Variants in TCF7L1 observed in about 807,000 individuals in gnomAD.
TCF7L1 encodes the protein transcription factor 7 like 1.
TCF7L1 carries 18 observed loss-of-function variants against 63.7 expected under a neutral mutation model. The observed-to-expected ratio is 0.28, with a 90% confidence interval of 0.20 to 0.42. The LOEUF is 0.42. Ranked by LOEUF, TCF7L1 falls within the 10% of genes least tolerant of loss-of-function variation. TCF7L1 has a pLI of 1.00. For missense variants in TCF7L1, 654 were observed against 779.3 expected, an observed-to-expected ratio of 0.84 and a Z score of 1.91; for synonymous variants, 355 against 340.9, an observed-to-expected ratio of 1.04 and a Z score of -0.46.
At chr2:85,305,149 C>A in intron 7 of TCF7L1, 111 bp from the exon 8 acceptor site, 1 of 1,435,468 alleles carries the variant, frequency 7.0e-7, no homozygotes, top group Non-Finnish European at 9.8e-7. Context: ...TGAGACTCTG[C>A]CCCACGGACA....
intron 3 of TCF7L1, among the ~76,000 whole-genome samples, chr2:85,140,814 TC>T (rs1194979167): frequency 6.6e-6 from 1 of 151,814 alleles, no homozygotes; most frequent in Non-Finnish European, 1.5e-5. Flanking sequence ...TGAGCTGAGA[TC>T]GCACCATTGC....
At chr2:85,224,723 A>G (rs1679920224) in intron 3 of TCF7L1, among the ~76,000 whole-genome samples, 1 of 152,124 alleles carries the variant, frequency 6.6e-6, no homozygotes, top group Non-Finnish European at 1.5e-5. Context: ...ATTTTCTCCT[A>G]TTCTGTAGGT....
chr2:85,233,473 G>A (rs762298988), intron 3 of TCF7L1, among the ~76,000 whole-genome samples: 1 of 151,652 alleles, frequency 6.6e-6, no homozygotes, highest in Non-Finnish European at 1.5e-5. Flanking sequence ...ACACCACCAC[G>A]CCTGGCTAAT....
intron 3 of TCF7L1, among the ~76,000 whole-genome samples, chr2:85,259,001 A>T (rs1474118920): frequency 6.6e-6 from 1 of 152,124 alleles, no homozygotes; most frequent in African/African-American, 2.4e-5. Flanking sequence ...CTCTTGGCCT[A>T]ACTCTGTAAT....
chr2:85,281,728 C>T lies in TCF7L1; in HGVS notation c.442-1767C>T, dbSNP rs143812951. Reference sequence around the variant, plus strand: ...TTCCCACTTCCCACCAGGTCTCCCGCGCCAGGCCTGCTTGGCCCATCCCAT... The same window carrying T: ...TTCCCACTTCCCACCAGGTCTCCCGTGCCAGGCCTGCTTGGCCCATCCCAT... On this transcript the variant is annotated intron_variant, in intron 3 of 11. Coordinates refer to ENST00000282111, the MANE Select transcript of TCF7L1 (RefSeq NM_031283.3). Among the ~76,000 whole-genome samples, 341 of 152,294 alleles carry T rather than the reference C, an allele frequency of 2.2e-3. 3 individuals are homozygous for T. Among genetic ancestry groups the T allele is most frequent in the African/African-American group, 7.4e-3 (308 of 41,562 alleles).
chr2:85,139,237 G>A (rs1459282733), intron 3 of TCF7L1, among the ~76,000 whole-genome samples: 2 of 152,168 alleles, frequency 1.3e-5, no homozygotes, highest in African/African-American at 2.4e-5. Flanking sequence ...TCGAACTCCT[G>A]ACCTCGTGAT....
chr2:85,205,213 T>C (rs577172100), intron 3 of TCF7L1, among the ~76,000 whole-genome samples: 2 of 152,220 alleles, frequency 1.3e-5, no homozygotes, highest in Non-Finnish European at 2.9e-5. Context: ...AAATAATAAA[T>C]GTATATTGCT....
Position 85,256,118 on chromosome 2 carries a change from G to A in TCF7L1, c.442-27377G>A, listed in dbSNP as rs551324766. 3.8e-3 allele frequency among the ~76,000 whole-genome samples: 573 copies of A among 152,352 alleles called. 11 individuals are homozygous for A. The highest frequency in any genetic ancestry group is 0.013 in the African/African-American group (536 of 41,584). On this transcript the variant is annotated intron_variant, in intron 3 of 11. Coordinates refer to ENST00000282111, the MANE Select transcript of TCF7L1 (RefSeq NM_031283.3). ...CAGGAGGGGAGGAGGGGTGGGCGCA[G>A]GAGCAGGCCCGGCCTTGTGCTAATC...
At chr2:85,152,851 A>G (rs1256947209) in intron 3 of TCF7L1, among the ~76,000 whole-genome samples, 1 of 152,170 alleles carries the variant, frequency 6.6e-6, no homozygotes, top group East Asian at 1.9e-4. Context: ...AATATTTTTC[A>G]TGCTTATATT....
Position 85,306,189 on chromosome 2 carries a change from A to G in TCF7L1, c.990-17A>G. ...GTGACACCTGACATGCTAACCTACA[A>G]CCACGTGCCTTCCCAGGAAATCACC... On this transcript the variant is annotated splice_polypyrimidine_tract_variant and intron_variant, in intron 8 of 11. Coordinates refer to ENST00000282111, the MANE Select transcript of TCF7L1 (RefSeq NM_031283.3). The surrounding 1 kb of genome is among the most constrained non-coding windows in gnomAD (Gnocchi z 4.3). 1 of 1,613,998 alleles carries G rather than the reference A, an allele frequency of 6.2e-7. No individual in the cohort carries two copies. Among genetic ancestry groups the G allele is most frequent in the South Asian group, 1.1e-5 (1 of 91,062 alleles).
chr2:85,203,216 A>G (rs1385135277), intron 3 of TCF7L1, among the ~76,000 whole-genome samples: 2 of 152,160 alleles, frequency 1.3e-5, no homozygotes, highest in Non-Finnish European at 2.9e-5. Context: ...CATTTCTAAC[A>G]TTGGGAAGCT....
At chr2:85,231,931 A>G (rs1450688183) in intron 3 of TCF7L1, among the ~76,000 whole-genome samples, 3 of 152,184 alleles carry the variant, frequency 2.0e-5, no homozygotes, top group African/African-American at 4.8e-5. Context: ...CATCTGTAAA[A>G]TGAGACCCTC....
Position 85,309,120 on chromosome 2 carries a change from G to A in TCF7L1, c.1425G>A (p.Met475Ile), listed in dbSNP as rs997432026. 1 of 1,611,718 alleles carries A rather than the reference G, an allele frequency of 6.2e-7. No individual in the cohort carries two copies. The highest frequency in any genetic ancestry group is 8.5e-7 in the Non-Finnish European group (1 of 1,179,568). Reference sequence around the variant, plus strand: ...GCCCTGCCTCCTCCCACGGGAGCATGCTGGACTCCCCGGCCACTCCCTCTG... The same window carrying A: ...GCCCTGCCTCCTCCCACGGGAGCATACTGGACTCCCCGGCCACTCCCTCTG... Reference protein sequence around the residue: ...CDSPASSHGSMLDSPATPSAA... With the variant: ...CDSPASSHGSILDSPATPSAA... The change falls in exon 12 of 12, where the codon ATG becomes ATA. Residue 475 changes from methionine (M) to isoleucine (I), a missense_variant. Met to Ile is a conservative substitution (Grantham distance 10, BLOSUM62 1). Transcript: ENST00000282111.
At chr2:85,299,891 A>ACACACACACACACACACACACACACACG (rs1681930460) in intron 4 of TCF7L1, among the ~76,000 whole-genome samples, 1 of 150,152 alleles carries the variant, frequency 6.7e-6, no homozygotes, top group Non-Finnish European at 1.5e-5. Context: ...ACACACACAC[A>ACACACACACACACACACACACACACACG]CACACACACA....
intron 3 of TCF7L1, among the ~76,000 whole-genome samples, chr2:85,162,566 C>G (rs1678315416): frequency 6.6e-6 from 1 of 152,174 alleles, no homozygotes; most frequent in African/African-American, 2.4e-5. Context: ...TGATTTTAGT[C>G]CATCATGGGT....
At chr2:85,304,139 TC>T in intron 6 of TCF7L1, 115 bp from the exon 7 acceptor site, 1 of 1,276,442 alleles carries the variant, frequency 7.8e-7, no homozygotes, top group Admixed American at 1.8e-5. Context: ...GGCAGCGTGC[TC>T]CCAGCATTAC....
intron 3 of TCF7L1, among the ~76,000 whole-genome samples, chr2:85,191,761 G>A (rs1480202897): frequency 6.6e-6 from 1 of 150,918 alleles, no homozygotes. Context: ...GAAGGCAGAG[G>A]TTGCAGTGAG....
intron 4 of TCF7L1, among the ~76,000 whole-genome samples, chr2:85,294,116 A>G (rs1681792034): frequency 7.3e-6 from 1 of 136,160 alleles, no homozygotes; most frequent in Non-Finnish European, 1.5e-5. Context: ...GGCTCACTGC[A>G]AGCTCCACTT....
intron 3 of TCF7L1, among the ~76,000 whole-genome samples, chr2:85,176,986 CAA>C (rs774094748): frequency 1.9e-4 from 13 of 66,780 alleles, no homozygotes; most frequent in Non-Finnish European, 2.0e-4. Context: ...GACTCTGTCT[CAA>C]AAAAAAAAAA....
Sources: gnomAD v4.1 joint callset for allele counts (sites outside exome capture counted in the v4.1 genomes callset) on GRCh38, gnomAD v4.1.1 for gene constraint, Gnocchi (gnomAD v3.1) non-coding constraint, MANE v1.5 for transcripts, NCBI Gene and HGNC (gene_info 2026-07-23, HGNC 2026-07-21) for gene names.